HACE1: variants seen among roughly 807,000 people sequenced by gnomAD.
HACE1 encodes the protein HECT domain and ankyrin repeat containing E3 ubiquitin protein ligase 1, also known as E3 ubiquitin-protein ligase HACE1.
A neutral mutation model predicts 118.4 loss-of-function variants in HACE1; 73 were observed. That is an observed-to-expected ratio of 0.62 (90% CI 0.51 to 0.75). The LOEUF is 0.75. Ranked by LOEUF, HACE1 falls within the 30% of genes least tolerant of loss-of-function variation. The pLI is 0.00. For missense variants in HACE1, 749 were observed against 1,102.2 expected, an observed-to-expected ratio of 0.68 and a Z score of 4.54; for synonymous variants, 368 against 374.8, an observed-to-expected ratio of 0.98 and a Z score of 0.21.
chr6:104,749,680 T>C (rs1777831281), intron 20 of HACE1, among the ~76,000 whole-genome samples: 1 of 151,532 alleles, frequency 6.6e-6, no homozygotes, highest in Non-Finnish European at 1.5e-5. Flanking sequence ...TTTAGACAAC[T>C]CAAAGAGTTT....
intron 20 of HACE1, among the ~76,000 whole-genome samples, chr6:104,745,736 C>T (rs1489755564): frequency 2.0e-5 from 3 of 152,030 alleles, no homozygotes; most frequent in East Asian, 1.9e-4. Flanking sequence ...CCACCGTGCC[C>T]GGCCAGGATT....
At chr6:104,805,949 C>A (rs1318857975) in intron 7 of HACE1, among the ~76,000 whole-genome samples, 1 of 152,012 alleles carries the variant, frequency 6.6e-6, no homozygotes, top group African/African-American at 2.4e-5. Context: ...GACTGGGGAT[C>A]AGACAGGATG....
intron 20 of HACE1, among the ~76,000 whole-genome samples, chr6:104,746,418 C>T (rs1777427492): frequency 1.3e-5 from 2 of 152,200 alleles, no homozygotes; most frequent in South Asian, 4.1e-4. Context: ...TGCCTGCTGG[C>T]TGTCTTGCCA....
At chr6:104,845,620 G>A (rs1775590028) in intron 4 of HACE1, among the ~76,000 whole-genome samples, 1 of 151,830 alleles carries the variant, frequency 6.6e-6, no homozygotes, top group Non-Finnish European at 1.5e-5. Flanking sequence ...TGGGACTACA[G>A]GCACCCGCCA....
intron 1 of HACE1, among the ~76,000 whole-genome samples, chr6:104,859,207 ACTGTTAAAT>A (rs1777053244): frequency 1.3e-5 from 2 of 152,020 alleles, no homozygotes; most frequent in South Asian, 2.1e-4. Flanking sequence ...ATCCCCAGCT[ACTGTTAAAT>A]GACCCGCAAT....
At position 104,785,315 on chromosome 6, in the gene HACE1, A is replaced by C; in HGVS notation, c.1079T>G (p.Leu360Arg). Residue 360 changes from leucine (L) to arginine (R), a missense_variant, in exon 12 of 24, where the codon CTG becomes CGG. By Grantham distance (102) the Leu-to-Arg change is moderately radical. Transcript: ENST00000262903. ...KTPRSQVFKP[L>R]ELLWHSLDEW... ...ATCTAACGAGTGCCAAAGCAATTCCAGAGGCTGAGAGAAACAAAAGTGTTT... is the reference window on the plus strand; with the variant it reads ...ATCTAACGAGTGCCAAAGCAATTCCCGAGGCTGAGAGAAACAAAAGTGTTT... The C allele has an allele frequency of 6.4e-7, 1 of 1,574,290 alleles. No homozygotes were observed. Among genetic ancestry groups the C allele is most frequent in the Non-Finnish European group, 8.7e-7 (1 of 1,144,628 alleles).
chr6:104,757,080 G>T (rs188146214), intron 19 of HACE1, among the ~76,000 whole-genome samples: 2 of 152,154 alleles, frequency 1.3e-5, no homozygotes, highest in African/African-American at 2.4e-5. Flanking sequence ...CTGGGCGGTG[G>T]CCACTGGAGC....
intron 22 of HACE1, among the ~76,000 whole-genome samples, chr6:104,735,571 C>T (rs973243394): frequency 2.0e-5 from 3 of 151,670 alleles, no homozygotes; most frequent in Admixed American, 6.6e-5. Context: ...GCGCAGCTTA[C>T]AGTGAGCCGA....
chr6:104,835,287 T>C (rs940737529), intron 5 of HACE1, among the ~76,000 whole-genome samples: 2 of 152,152 alleles, frequency 1.3e-5, no homozygotes, highest in African/African-American at 4.8e-5. Context: ...CGCATCTAAT[T>C]TGAAAGACAA....
intron 22 of HACE1, among the ~76,000 whole-genome samples, chr6:104,742,905 A>ATGTC (rs1240901965): frequency 6.6e-5 from 10 of 151,958 alleles, no homozygotes; most frequent in Non-Finnish European, 1.5e-5. Flanking sequence ...AAGACTTGGA[A>ATGTC]CCAACCCAAA....
chr6:104,779,241 A>G (rs986070469), intron 14 of HACE1, among the ~76,000 whole-genome samples: 5 of 152,216 alleles, frequency 3.3e-5, no homozygotes, highest in Non-Finnish European at 4.4e-5. Flanking sequence ...CAAGAGATAA[A>G]TATGATGAAT....
intron 22 of HACE1, among the ~76,000 whole-genome samples, chr6:104,733,884 G>A (rs1775487699): frequency 1.3e-5 from 2 of 151,604 alleles, no homozygotes; most frequent in African/African-American, 4.8e-5. Flanking sequence ...CGGACACAGT[G>A]ATTCGCGCCT....
intron 6 of HACE1, among the ~76,000 whole-genome samples, chr6:104,817,087 T>C (rs1474021240): frequency 1.3e-5 from 2 of 152,204 alleles, no homozygotes; most frequent in African/African-American, 2.4e-5. Flanking sequence ...AAGGGACTTA[T>C]CTGTCTCAGA....
At chr6:104,765,537 C>T (rs1272738009) in intron 19 of HACE1, among the ~76,000 whole-genome samples, 1 of 152,166 alleles carries the variant, frequency 6.6e-6, no homozygotes, top group African/African-American at 2.4e-5. Flanking sequence ...CAGCAATGAC[C>T]TTGGCAAATT....
chr6:104,790,381 A>G (rs748823375), intron 11 of HACE1, among the ~76,000 whole-genome samples: 3 of 152,270 alleles, frequency 2.0e-5, no homozygotes, highest in Non-Finnish European at 4.4e-5. Context: ...ACTAGTTTTC[A>G]AGGAAGTGGC....
Position 104,859,669 on chromosome 6 carries a change from G to T in HACE1, c.-27C>A, listed in dbSNP as rs1373427381. Reference sequence around the variant, plus strand: ...CTCGGCGCGCCCTCCGCGATCCTCCGCGATCAGCCGCCCCACCGGCGGCCT... The same window carrying T: ...CTCGGCGCGCCCTCCGCGATCCTCCTCGATCAGCCGCCCCACCGGCGGCCT... On this transcript the variant is annotated 5_prime_UTR_variant, in exon 1 of 24. Coordinates refer to ENST00000262903, the MANE Select transcript of HACE1 (RefSeq NM_020771.4). The T allele has an allele frequency of 5.2e-6, 8 of 1,524,046 alleles. No individual in the cohort carries two copies. Among genetic ancestry groups the T allele is most frequent in the Non-Finnish European group, 7.0e-6 (8 of 1,138,428 alleles). 94.4% of individuals were successfully genotyped at this position (1,524,046 alleles called of 1,614,324 possible).
chr6:104,737,763 C>T (rs1776082353), intron 22 of HACE1, among the ~76,000 whole-genome samples: 1 of 152,228 alleles, frequency 6.6e-6, no homozygotes, highest in Non-Finnish European at 1.5e-5. Context: ...GGGCGCCCGC[C>T]ATTTTCCAGG....
chr6:104,859,063 T>C (rs555656426), intron 1 of HACE1, among the ~76,000 whole-genome samples: 3 of 152,292 alleles, frequency 2.0e-5, no homozygotes, highest in East Asian at 3.9e-4. Context: ...GAGTACCTGT[T>C]TGATGTTTGA....
intron 6 of HACE1, among the ~76,000 whole-genome samples, chr6:104,822,785 A>C (rs1772910856): frequency 1.3e-5 from 2 of 152,164 alleles, no homozygotes; most frequent in South Asian, 4.2e-4. Flanking sequence ...TGGACTCAGG[A>C]GGCGGAGGTT....
Sources: allele counts gnomAD v4.1 joint callset (sites outside exome capture counted in the v4.1 genomes callset), GRCh38; gene constraint gnomAD v4.1.1; transcripts MANE v1.5; gene names NCBI Gene and HGNC (gene_info 2026-07-23, HGNC 2026-07-21).